The following MYCBP2 variants were observed in gnomAD, a reference collection of about 807,000 sequenced individuals.
MYCBP2 encodes the protein MYC binding protein 2, also known as E3 ubiquitin-protein ligase MYCBP2.
Under a neutral mutation model 525.3 loss-of-function variants are expected in MYCBP2, and 120 were observed. The ratio of observed to expected loss-of-function variants is 0.23; its 90% CI spans 0.20 to 0.27. MYCBP2 has a LOEUF of 0.27. Ranked by LOEUF, MYCBP2 falls within the 10% of genes least tolerant of loss-of-function variation. The probability of loss-of-function intolerance (pLI) is 1.00; values close to 1 mark genes in which losing one functional copy is unlikely to be tolerated. For synonymous variants in MYCBP2, 1,894 were observed against 1,955.8 expected (o/e 0.97, Z 0.83); for missense variants, 4,149 against 5,657.1 (o/e 0.73, Z 8.55).
At chr13:77,201,988 A>G (rs1269515485) in intron 26 of MYCBP2, among the ~76,000 whole-genome samples, 1 of 152,222 alleles carries the variant, frequency 6.6e-6, no homozygotes, top group Non-Finnish European at 1.5e-5. Flanking sequence ...AAGGAACTAG[A>G]AAAGCAAGAG....
At chr13:77,263,902 T>A (rs773986208) in intron 9 of MYCBP2, 27 bp downstream of exon 9, 3 of 1,607,266 alleles carry the variant, frequency 1.9e-6, no homozygotes, top group Non-Finnish European at 2.6e-6. Flanking sequence ...CCATTTACAC[T>A]AGCTACTTAA....
At chr13:77,059,765 G>A in intron 76 of MYCBP2, 139 bp from the exon 77 acceptor site, 1 of 600,104 alleles carries the variant, frequency 1.7e-6, no homozygotes, top group East Asian at 2.8e-5. Context: ...TAGAACGGAA[G>A]GTTTCTAAGT....
At chr13:77,088,349 C>T (rs1003014853) in intron 61 of MYCBP2, among the ~76,000 whole-genome samples, 1 of 152,050 alleles carries the variant, frequency 6.6e-6, no homozygotes, top group African/African-American at 2.4e-5. Flanking sequence ...ATATAATTCC[C>T]ATCCATGAAG....
At chr13:77,161,503 C>T (rs568277174) in intron 44 of MYCBP2, among the ~76,000 whole-genome samples, 2 of 152,346 alleles carry the variant, frequency 1.3e-5, no homozygotes, top group South Asian at 2.1e-4. Flanking sequence ...ACTGTACCAA[C>T]CTCACCTTTT....
At chr13:77,164,603 C>T (rs902259752) in intron 42 of MYCBP2, 62 bp from the exon 43 acceptor site, 67 of 974,832 alleles carry the variant, frequency 6.9e-5, no homozygotes, top group Non-Finnish European at 9.9e-5. Flanking sequence ...GGATTATCAA[C>T]AAAATGTGAT....
intron 75 of MYCBP2, 91 bp downstream of exon 75, chr13:77,061,571 A>G (rs2034327274): frequency 2.1e-6 from 3 of 1,439,640 alleles, no homozygotes; most frequent in Admixed American, 2.5e-5. Context: ...TCCAAAGTCC[A>G]CTTTTTCCCC....
rs1359757712 is a variant in MYCBP2, at chr13:77,185,347, C to T, written c.4475G>A (p.Ser1492Asn). Residue 1492 changes from serine (S) to asparagine (N), a missense_variant, in exon 32 of 83, where the codon AGC becomes AAC. This residue lies in a region of MYCBP2 where 292 missense variants were observed against 330.5 expected (regional missense o/e 0.88). Transcript: ENST00000544440. The stretch of plus-strand genomic sequence containing the variant: ...TTTTCCAATACACTCTGCTAATTTG[C>T]TAGTTTCTTCTACAACTGCTTTTCC... Reference protein sequence around the residue: ...ATGKAVVEETSKLAECIGKTR... With the variant: ...ATGKAVVEETNKLAECIGKTR... The T allele has an allele frequency of 6.2e-7, 1 of 1,613,072 alleles. No homozygotes were observed. Among genetic ancestry groups the T allele is most frequent in the Non-Finnish European group, 8.5e-7 (1 of 1,179,332 alleles).
At chr13:77,249,971 C>T (rs1256275228) in intron 15 of MYCBP2, among the ~76,000 whole-genome samples, 1 of 152,116 alleles carries the variant, frequency 6.6e-6, no homozygotes, top group Non-Finnish European at 1.5e-5. Context: ...CGCCTGTAAT[C>T]CCAGCACTTT....
In MYCBP2 at chr13:77,196,699, G is replaced by A. The variant is rs142049232; in HGVS notation, c.3844-2455C>T. Among the ~76,000 whole-genome samples, 98 of 152,310 alleles carry A rather than the reference G, an allele frequency of 6.4e-4. No individual in the cohort carries two copies. In the East Asian group the frequency reaches 0.013, roughly 20 times the overall value. The stretch of plus-strand genomic sequence containing the variant: ...CATGCTGAGTCAGTTAACTGGGATG[G>A]GGAAGAACATGAGGATAGCAGGTTT... On this transcript the variant is annotated intron_variant, in intron 26 of 82. Transcript: ENST00000544440.
intron 28 of MYCBP2, among the ~76,000 whole-genome samples, chr13:77,190,826 A>C (rs769515666): frequency 3.9e-5 from 6 of 152,180 alleles, no homozygotes; most frequent in Non-Finnish European, 7.4e-5. Context: ...AATATTCAGC[A>C]ACAGGAAATT....
chr13:77,176,565 T>C lies in MYCBP2; in HGVS notation c.5404A>G (p.Thr1802Ala). 3.1e-6 allele frequency: 5 copies of C among 1,600,986 alleles called. No individual in the cohort carries two copies. The highest frequency in any genetic ancestry group is 4.3e-6 in the Non-Finnish European group (5 of 1,171,376). Residue 1802 changes from threonine to alanine, a missense_variant, in exon 36 of 83, where the codon ACG becomes GCG. This residue lies in a region of MYCBP2 where 109 missense variants were observed against 118.9 expected (regional missense o/e 0.92). Transcript: ENST00000544440. Reference sequence around the variant, plus strand: ...CTGGGTGAGTCATCCGTTGTGTACGTTCCTTTCACTAATTCCAGAGATGTC... The same window carrying C: ...CTGGGTGAGTCATCCGTTGTGTACGCTCCTTTCACTAATTCCAGAGATGTC... ...RWTSLELVKG[T>A]YTTDDSPSDI... is the part of the protein sequence containing the mutation.
Position 77,273,619 on chromosome 13 carries a change from C to A in MYCBP2, c.798G>T (p.Met266Ile). Residue 266 changes from methionine (M) to isoleucine (I), a missense_variant, in exon 5 of 83, where the codon ATG (methionine) becomes ATT (isoleucine). Physicochemically the swap from Met to Ile is conservative, Grantham distance 10. Coordinates refer to ENST00000544440, the MANE Select transcript of MYCBP2 (RefSeq NM_015057.5). Reference sequence around the variant, plus strand: ...TTAAGGACTGTCCTGTGCTGTCATTCATCCCAGTACTTCGAACGGTGATTT... The same window carrying A: ...TTAAGGACTGTCCTGTGCTGTCATTAATCCCAGTACTTCGAACGGTGATTT... The part of the protein sequence containing the change: ...LLEITVRSTG[M>I]NDSTGQSLTA... 6.3e-7 allele frequency: 1 copy of A among 1,579,388 alleles called. No individual in the cohort carries two copies. Among genetic ancestry groups the A allele is most frequent in the South Asian group, 1.2e-5 (1 of 84,424 alleles).
intron 62 of MYCBP2, among the ~76,000 whole-genome samples, chr13:77,083,828 A>T (rs190134612): frequency 1.1e-3 from 169 of 152,244 alleles, no homozygotes; most frequent in Non-Finnish European, 2.1e-3. Flanking sequence ...TACCATAAAA[A>T]GTCTCCCTGT....
intron 2 of MYCBP2, among the ~76,000 whole-genome samples, chr13:77,291,661 G>A (rs182105105): frequency 2.1e-3 from 322 of 152,228 alleles, no homozygotes; most frequent in African/African-American, 7.5e-3. Context: ...CAGCTCCTCG[G>A]GAGCCTGAGG....
At position 77,057,698 on chromosome 13, in the gene MYCBP2, T is replaced by C. The variant is rs1300470703; in HGVS notation, c.13329+520A>G. On this transcript the variant is annotated intron_variant, in intron 78 of 82. Coordinates refer to ENST00000544440, the MANE Select transcript of MYCBP2 (RefSeq NM_015057.5). Reference sequence around the variant, plus strand: ...TGTTGATTACAGAGGTTCACACAAATCACAAATTAAAGCTGAGCATGCAAC... The same window carrying C: ...TGTTGATTACAGAGGTTCACACAAACCACAAATTAAAGCTGAGCATGCAAC... Among the ~76,000 whole-genome samples the C allele has an allele frequency of 3.3e-5, 5 of 152,054 alleles. No homozygotes were observed. The East Asian group carries it at 9.6e-4, about 29-fold the overall frequency.
chr13:77,273,184 C>T (rs1004009629), intron 5 of MYCBP2, among the ~76,000 whole-genome samples: 5 of 152,126 alleles, frequency 3.3e-5, no homozygotes, highest in South Asian at 2.1e-4. Flanking sequence ...GAAGGGAGAA[C>T]GCAGACAGCA....
chr13:77,074,366 A>C (rs2041934127), intron 68 of MYCBP2, among the ~76,000 whole-genome samples: 1 of 152,206 alleles, frequency 6.6e-6, no homozygotes, highest in African/African-American at 2.4e-5. Flanking sequence ...AACATTTCTA[A>C]AGGAAAAGAA....
chr13:77,060,274 G>A (rs1487086197), intron 76 of MYCBP2, among the ~76,000 whole-genome samples: 2 of 152,124 alleles, frequency 1.3e-5, no homozygotes, highest in Non-Finnish European at 2.9e-5. Flanking sequence ...ATTGAATTCA[G>A]CAATATTTAC....
rs554924734 is a variant in MYCBP2 at position 77,055,878 on chromosome 13, C to T, written c.13438-111G>A. Reference sequence around the variant, plus strand: ...TGTGCTAGAAGATAACCAGACAGCACACATATTCTAAATAAAATGTCATTT... The same window carrying T: ...TGTGCTAGAAGATAACCAGACAGCATACATATTCTAAATAAAATGTCATTT... On this transcript the variant is annotated intron_variant, in intron 79 of 82. Coordinates refer to ENST00000544440, the MANE Select transcript of MYCBP2 (RefSeq NM_015057.5). 5 of 682,752 alleles carry T rather than the reference C, an allele frequency of 7.3e-6. No homozygotes were observed. The East Asian group carries it at 8.2e-5, about 11-fold the overall frequency. 42.3% of individuals were successfully genotyped at this position (682,752 alleles called of 1,614,324 possible). A position where few individuals can be genotyped will look rare whatever the true frequency, so the allele number is the denominator to read the frequency against.
Sources: allele counts gnomAD v4.1 joint callset (sites outside exome capture counted in the v4.1 genomes callset), GRCh38; gene constraint gnomAD v4.1.1; regional missense constraint gnomAD v4.1.1; transcripts MANE v1.5; gene names NCBI Gene and HGNC (gene_info 2026-07-23, HGNC 2026-07-21).